The following CATSPERB variants were observed in gnomAD, a reference collection of about 807,000 sequenced individuals.
The protein encoded by CATSPERB is cation channel sperm-associated auxiliary subunit beta.
A neutral mutation model predicts 128.3 loss-of-function variants in CATSPERB; 93 were observed. That is an observed-to-expected ratio of 0.72 (90% CI 0.61 to 0.86). The LOEUF (loss-of-function observed/expected upper bound fraction) is 0.86, where lower values mean the gene tolerates loss of function less well. Among genes scored for constraint, CATSPERB ranks in the 40% least tolerant of loss-of-function variants. The probability of loss-of-function intolerance (pLI) is 0.00; values close to 1 mark genes in which losing one functional copy is unlikely to be tolerated. For synonymous variants in CATSPERB, 381 were observed against 448.8 expected (o/e 0.85, Z 1.91); for missense variants, 1,153 against 1,329.5 (o/e 0.87, Z 2.06).
chr14:91,685,387 A>T (rs1895356236), intron 10 of CATSPERB, among the ~76,000 whole-genome samples: 1 of 152,176 alleles, frequency 6.6e-6, no homozygotes, highest in Non-Finnish European at 1.5e-5. Flanking sequence ...CTTGTTCAAA[A>T]TTTTATGTTA....
chr14:91,699,554 T>TTA (rs1895613280), intron 7 of CATSPERB, among the ~76,000 whole-genome samples: 2 of 151,970 alleles, frequency 1.3e-5, no homozygotes, highest in Non-Finnish European at 2.9e-5. Context: ...GAATGAAGCC[T>TTA]ACTTGATCAT....
intron 6 of CATSPERB, 94 bp from the exon 7 acceptor site, chr14:91,704,795 A>C (rs1297660127): frequency 7.7e-7 from 1 of 1,297,832 alleles, no homozygotes; most frequent in African/African-American, 1.5e-5. Context: ...CTATGTAAAG[A>C]AACTATTCTA....
At chr14:91,603,208 CAATAA>C in intron 22 of CATSPERB, 1 of 826,126 alleles carries the variant, frequency 1.2e-6, no homozygotes, top group Non-Finnish European at 2.2e-6. Context: ...GAGGGTGTTT[CAATAA>C]AATAGGGCAT....
chr14:91,617,690 G>T lies in CATSPERB; in HGVS notation c.2307C>A (p.Asn769Lys), dbSNP rs750205476. Residue 769 changes from asparagine (N) to lysine (K), a missense_variant, in exon 20 of 27, where the codon AAC (asparagine) becomes AAA (lysine). By Grantham distance (94) the Asn-to-Lys change is moderately conservative (BLOSUM62 0). Coordinates refer to ENST00000256343, the MANE Select transcript of CATSPERB (RefSeq NM_024764.4). ...EIPLLTVFVG[N>K]PNLLEVTAEV... The stretch of plus-strand genomic sequence containing the variant: ...CAGCTGTAACTTCCAACAAATTAGG[G>T]TTTCCAACAAACACAGTCAGTAGTG... 6.2e-7 allele frequency: 1 copy of T among 1,601,022 alleles called. No individual in the cohort carries two copies. Among genetic ancestry groups the T allele is most frequent in the East Asian group, 2.3e-5 (1 of 43,490 alleles).
chr14:91,658,508 T>A (rs1297157340), intron 15 of CATSPERB, among the ~76,000 whole-genome samples: 1 of 151,290 alleles, frequency 6.6e-6, no homozygotes, highest in Non-Finnish European at 1.5e-5. Context: ...CAGTCAATAA[T>A]AATTTATTAT....
At chr14:91,598,665 TGGC>T (rs1893552920) in intron 22 of CATSPERB, among the ~76,000 whole-genome samples, 1 of 152,044 alleles carries the variant, frequency 6.6e-6, no homozygotes, top group South Asian at 2.1e-4. Context: ...AAGACCATCC[TGGC>T]TAACATGGTG....
intron 22 of CATSPERB, chr14:91,603,552 C>T (rs1362337169): frequency 8.4e-6 from 6 of 712,770 alleles, no homozygotes; most frequent in South Asian, 3.4e-5. Flanking sequence ...AGGACCCCAC[C>T]GCTCTAGAGC....
chr14:91,605,044 T>G lies in CATSPERB; in HGVS notation c.2709+3250A>C. On this transcript the variant is annotated intron_variant, in intron 22 of 26. Coordinates refer to ENST00000256343, the MANE Select transcript of CATSPERB (RefSeq NM_024764.4). ...CAGTTCTGGTCTTCTGTTTCTTGAA[T>G]GGGACCTTGTCTTCCTTTTTTCTGG... 2.5e-6 allele frequency: 3 copies of G among 1,192,052 alleles called. No individual in the cohort carries two copies. In the East Asian group the frequency reaches 7.0e-5, roughly 28 times the overall value. The allele number at this position is 1,192,052 out of a possible 1,614,324, so 73.8% of individuals were successfully genotyped here.
intron 13 of CATSPERB, among the ~76,000 whole-genome samples, chr14:91,671,969 G>A (rs1287177065): frequency 1.3e-5 from 2 of 149,472 alleles, no homozygotes; most frequent in South Asian, 2.1e-4. Flanking sequence ...GCAGTGAGCC[G>A]AGATTGCACC....
chr14:91,624,794 G>A (rs1894124673), intron 18 of CATSPERB, 26 bp downstream of exon 18: 1 of 1,494,336 alleles, frequency 6.7e-7, no homozygotes, highest in Non-Finnish European at 9.0e-7. Context: ...CTAGCCATCA[G>A]AGATGTATGA....
At chr14:91,664,715 A>C (rs1894949264) in intron 14 of CATSPERB, among the ~76,000 whole-genome samples, 2 of 152,168 alleles carry the variant, frequency 1.3e-5, no homozygotes, top group South Asian at 2.1e-4. Flanking sequence ...TTAGATTTAC[A>C]TCTGTTTTAG....
chr14:91,621,736 C>T lies in CATSPERB; in HGVS notation c.2132G>A (p.Trp711Ter), dbSNP rs1209412832. ...YNFGQRNGRT[W>*]KIYSKPCNYW... ...ATTACATGGTTTTGAATATATTTTC[C>T]ATGTTCGTCCATTCCTTTGCCCAAA... Residue 711 changes from tryptophan (W) to a stop codon, truncating the protein, a stop_gained, in exon 19 of 27, where the codon TGG (tryptophan) becomes TAG (stop). Transcript: ENST00000256343. LOFTEE classifies it high-confidence loss of function. 1 of 1,613,948 alleles carries T rather than the reference C, an allele frequency of 6.2e-7. No individual in the cohort carries two copies. The highest frequency in any genetic ancestry group is 8.5e-7 in the Non-Finnish European group (1 of 1,179,980).
chr14:91,712,591 G>A (rs929535265), intron 5 of CATSPERB, among the ~76,000 whole-genome samples: 2 of 152,006 alleles, frequency 1.3e-5, no homozygotes, highest in African/African-American at 4.8e-5. Context: ...GTATTGCATC[G>A]TTTACTGTCA....
chr14:91,586,546 GGAGA>G (rs759345481), intron 26 of CATSPERB, among the ~76,000 whole-genome samples: 2 of 117,918 alleles, frequency 1.7e-5, no homozygotes, highest in Non-Finnish European at 3.5e-5. Flanking sequence ...GGCCGGAACA[GGAGA>G]GAGAGAGAGA....
intron 22 of CATSPERB, among the ~76,000 whole-genome samples, chr14:91,595,958 G>T (rs2139763875): frequency 6.6e-6 from 1 of 152,222 alleles, no homozygotes; most frequent in African/African-American, 2.4e-5. Context: ...TAAAAGAATT[G>T]TTTTCTTAAC....
intron 22 of CATSPERB, among the ~76,000 whole-genome samples, chr14:91,596,648 A>G (rs951712671): frequency 6.6e-6 from 1 of 152,248 alleles, no homozygotes; most frequent in African/African-American, 2.4e-5. Context: ...TAATTTTAAC[A>G]TAACAATTAT....
intron 20 of CATSPERB, among the ~76,000 whole-genome samples, chr14:91,611,410 G>A (rs1287382362): frequency 2.6e-5 from 4 of 152,186 alleles, no homozygotes; most frequent in African/African-American, 9.7e-5. Flanking sequence ...AGGAGTTCAA[G>A]ACCAGCCTGG....
At chr14:91,726,186 G>A (rs773516344) in intron 2 of CATSPERB, among the ~76,000 whole-genome samples, 20 of 152,198 alleles carry the variant, frequency 1.3e-4, no homozygotes, top group Non-Finnish European at 2.9e-4. Flanking sequence ...AAGGACCTGG[G>A]TACCAAGAAG....
At chr14:91,686,300 A>G (rs1445418933) in intron 10 of CATSPERB, among the ~76,000 whole-genome samples, 2 of 152,174 alleles carry the variant, frequency 1.3e-5, no homozygotes. Context: ...CTCGTTCACT[A>G]TGGAATCATT....
Sources: gnomAD v4.1 joint callset for allele counts (sites outside exome capture counted in the v4.1 genomes callset) on GRCh38, gnomAD v4.1.1 for gene constraint, MANE v1.5 for transcripts, NCBI Gene and HGNC (gene_info 2026-07-23, HGNC 2026-07-21) for gene names.